Variants in RBFOX2 observed in about 807,000 individuals in gnomAD.
RBFOX2 encodes RNA binding fox-1 homolog 2.
A neutral mutation model predicts 49.1 loss-of-function variants in RBFOX2; 10 were observed. The ratio of observed to expected loss-of-function variants is 0.20; its 90% CI spans 0.13 to 0.35. The LOEUF is 0.35. RBFOX2 is among the 10% of genes least tolerant of loss of function. The probability of loss-of-function intolerance (pLI) is 1.00; values close to 1 mark genes in which losing one functional copy is unlikely to be tolerated. For synonymous variants in RBFOX2, 183 were observed against 187.4 expected, an observed-to-expected ratio of 0.98 and a Z score of 0.19; for missense variants, 323 against 486.9, an observed-to-expected ratio of 0.66 and a Z score of 3.17.
At chr22:35,777,135 C>T (rs997577676) in intron 4 of RBFOX2, among the ~76,000 whole-genome samples, 3 of 151,850 alleles carry the variant, frequency 2.0e-5, no homozygotes, top group Non-Finnish European at 4.4e-5. Flanking sequence ...CCTCAGCCTC[C>T]CGAGTAGCTG....
chr22:35,937,170 A>G (rs926731453), intron 1 of RBFOX2, among the ~76,000 whole-genome samples: 1 of 152,228 alleles, frequency 6.6e-6, no homozygotes, highest in African/African-American at 2.4e-5. Flanking sequence ...ACACTTACCC[A>G]ATCAGAAACT....
intron 2 of RBFOX2, among the ~76,000 whole-genome samples, chr22:35,785,612 G>A (rs1946223366): frequency 6.6e-6 from 1 of 152,126 alleles, no homozygotes; most frequent in Non-Finnish European, 1.5e-5. Flanking sequence ...AAAATATAAA[G>A]GATAATCAGG....
intron 1 of RBFOX2, among the ~76,000 whole-genome samples, chr22:35,932,919 G>A (rs943020868): frequency 6.6e-6 from 1 of 152,100 alleles, no homozygotes; most frequent in Non-Finnish European, 1.5e-5. Flanking sequence ...AATATGAAAA[G>A]ATAAAATTTA....
chr22:35,776,328 T>C (rs776245466), intron 4 of RBFOX2, among the ~76,000 whole-genome samples: 1 of 152,240 alleles, frequency 6.6e-6, no homozygotes, highest in Non-Finnish European at 1.5e-5. Flanking sequence ...ACTTACCAAG[T>C]GCTGGAGAAA....
At chr22:35,902,985 T>C (rs916136939) in intron 1 of RBFOX2, among the ~76,000 whole-genome samples, 1 of 152,094 alleles carries the variant, frequency 6.6e-6, no homozygotes, top group African/African-American at 2.4e-5. Context: ...TCATTTTAAA[T>C]GAGAAGCATT....
intron 1 of RBFOX2, among the ~76,000 whole-genome samples, chr22:35,888,702 T>G (rs538774553): frequency 6.6e-6 from 1 of 152,322 alleles, no homozygotes; most frequent in Admixed American, 6.5e-5. Flanking sequence ...GCCCTCATCA[T>G]TCCACCAAAA....
intron 1 of RBFOX2, chr22:35,997,519 T>C (rs1213646684): frequency 6.6e-6 from 1 of 152,254 alleles, no homozygotes; most frequent in Non-Finnish European, 1.5e-5. Flanking sequence ...TTTTAAATAC[T>C]GTATTTACAT....
chr22:36,001,005 T>C (rs573907297), intron 1 of RBFOX2, among the ~76,000 whole-genome samples: 1 of 152,232 alleles, frequency 6.6e-6, no homozygotes, highest in East Asian at 1.9e-4. Context: ...ACAAAACTAA[T>C]AAATGATAGC....
At chr22:35,911,163 T>C (rs1404461428) in intron 1 of RBFOX2, among the ~76,000 whole-genome samples, 1 of 152,198 alleles carries the variant, frequency 6.6e-6, no homozygotes, top group Non-Finnish European at 1.5e-5. Flanking sequence ...GTCCCTTTCA[T>C]CCTGAAGTTT....
chr22:35,936,737 C>T (rs751614333), intron 1 of RBFOX2, among the ~76,000 whole-genome samples: 12 of 152,176 alleles, frequency 7.9e-5, no homozygotes, highest in Non-Finnish European at 1.3e-4. Flanking sequence ...TGGGCCCCTA[C>T]TGCAAAAGAA....
intron 1 of RBFOX2, among the ~76,000 whole-genome samples, chr22:35,831,743 C>T (rs917529441): frequency 6.6e-6 from 1 of 152,136 alleles, no homozygotes; most frequent in African/African-American, 2.4e-5. Context: ...CACTTAAGTC[C>T]CAGTTTGTCT....
At chr22:35,988,378 C>A (rs928289807) in intron 1 of RBFOX2, among the ~76,000 whole-genome samples, 2 of 152,084 alleles carry the variant, frequency 1.3e-5, no homozygotes, top group African/African-American at 4.8e-5. Flanking sequence ...AGTCCCTACC[C>A]TCGAAGAGCT....
chr22:35,828,895 C>CA (rs1222853000), intron 1 of RBFOX2, among the ~76,000 whole-genome samples: 1 of 151,890 alleles, frequency 6.6e-6, no homozygotes, highest in African/African-American at 2.4e-5. Flanking sequence ...ACTAAAAAGA[C>CA]AAAAAATTAG....
chr22:36,011,676 G>A (rs1303080785), intron 1 of RBFOX2, among the ~76,000 whole-genome samples: 1 of 145,264 alleles, frequency 6.9e-6, no homozygotes, highest in East Asian at 1.9e-4. Flanking sequence ...AGGCAGCTAG[G>A]AGAGGGAGAG....
exon 12 of RBFOX2, chr22:35,742,497 AAAAC>A (rs1208381901): frequency 6.6e-6 from 1 of 152,668 alleles, no homozygotes; most frequent in African/African-American, 2.4e-5. Context: ...AAACAAACCC[AAAAC>A]AAACCCATAA....
chr22:35,750,376 C>A, intron 9 of RBFOX2: 1 of 1,433,066 alleles, frequency 7.0e-7, no homozygotes. Context: ...CTGAAGCAAC[C>A]ATTAATAATA....
intron 1 of RBFOX2, among the ~76,000 whole-genome samples, chr22:35,919,181 TGTA>T (rs1397806263): frequency 6.6e-6 from 1 of 152,200 alleles, no homozygotes; most frequent in Non-Finnish European, 1.5e-5. Context: ...AGGCAAAATC[TGTA>T]GAAAAGTGGA....
At chr22:36,010,731 GTA>G (rs953350567) in intron 1 of RBFOX2, among the ~76,000 whole-genome samples, 2 of 112,520 alleles carry the variant, frequency 1.8e-5, no homozygotes, top group African/African-American at 7.4e-5. Flanking sequence ...TTACTGTTCA[GTA>G]CACACACACA....
intron 1 of RBFOX2, among the ~76,000 whole-genome samples, chr22:35,918,667 G>GGCCT (rs1483722454): frequency 4.6e-5 from 7 of 152,144 alleles, no homozygotes; most frequent in African/African-American, 1.7e-4. Flanking sequence ...GATCAGCAAA[G>GGCCT]GCCTCTCCAG....
Sources: allele counts gnomAD v4.1 joint callset (sites outside exome capture counted in the v4.1 genomes callset), GRCh38; gene constraint gnomAD v4.1.1; transcripts MANE v1.5; gene names NCBI Gene and HGNC (gene_info 2026-07-23, HGNC 2026-07-21).